The following RRP7A variants were observed in gnomAD, a reference collection of about 807,000 sequenced individuals.
The protein encoded by RRP7A is ribosomal RNA processing 7 homolog A.
Under a neutral mutation model 38.4 loss-of-function variants are expected in RRP7A, and 27 were observed. The ratio of observed to expected loss-of-function variants is 0.70; its 90% CI spans 0.52 to 0.97. The LOEUF (loss-of-function observed/expected upper bound fraction) is 0.97, where lower values mean the gene tolerates loss of function less well. RRP7A is among the 50% of genes least tolerant of loss of function. The pLI is 0.00. For missense variants in RRP7A, 327 were observed against 375.4 expected (o/e 0.87, Z 1.07); for synonymous variants, 124 against 150.3 (o/e 0.83, Z 1.28).
rs149462502 is a variant in RRP7A at position 42,514,240 on chromosome 22, C to T, written c.623G>A (p.Arg208His). ...GGGGAGCACAGGCCGCCGGCCCCGGCGGGTCACCTTCACCCAGCCCTCCTC... is the reference window on the plus strand; with the variant it reads ...GGGGAGCACAGGCCGCCGGCCCCGGTGGGTCACCTTCACCCAGCCCTCCTC... Reference protein sequence around the residue: ...PDEEGWVKVTRRGRRPVLPRT... With the variant: ...PDEEGWVKVTHRGRRPVLPRT... Residue 208 changes from arginine to histidine, a missense_variant, in exon 6 of 7, where the codon CGC (arginine) becomes CAC (histidine). This residue lies in a region of RRP7A where 46 missense variants were observed against 93.0 expected (regional missense o/e 0.49). Coordinates refer to ENST00000323013, the MANE Select transcript of RRP7A (RefSeq NM_015703.5). 1,642 of 1,606,350 alleles carry T rather than the reference C, an allele frequency of 1.0e-3. No individual in the cohort carries two copies. In the African/African-American group the frequency reaches 0.015, roughly 15 times the overall value.
chr22:42,512,909 C>A lies in RRP7A; in HGVS notation c.*1G>T. 1 of 1,613,072 alleles carries A rather than the reference C, an allele frequency of 6.2e-7. No homozygotes were observed. The highest frequency in any genetic ancestry group is 8.5e-7 in the Non-Finnish European group (1 of 1,179,390). The stretch of plus-strand genomic sequence containing the variant: ...CAGCCATTCACTGCGGCTCTCACAG[C>A]TCAGTACGGTCGGAATTTGCGCTGG... On this transcript the variant is annotated 3_prime_UTR_variant, in exon 7 of 7. Transcript: ENST00000323013.
chr22:42,519,553 G>A (rs1363041567), intron 1 of RRP7A, among the ~76,000 whole-genome samples, 161 bp downstream of exon 1: 1 of 152,012 alleles, frequency 6.6e-6, no homozygotes, highest in East Asian at 1.9e-4. Flanking sequence ...TGGGTCCTCG[G>A]GACCCCGGAG....
Position 42,510,908 on chromosome 22 carries a change from A to G in RRP7A, c.*2002T>C, listed in dbSNP as rs55803321. The G allele has an allele frequency of 0.12, 70,130 of 576,930 alleles. 4,947 individuals are homozygous for G. Among genetic ancestry groups the G allele is most frequent in the Admixed American group, 0.19 (3,452 of 18,258 alleles). 35.7% of individuals were successfully genotyped at this position (576,930 alleles called of 1,614,324 possible). On this transcript the variant is annotated 3_prime_UTR_variant, in exon 7 of 7. Transcript: ENST00000323013. ...CCCTAGAGGCCTGGGGACACATGTA[A>G]TCAGAATTTAAGAAACAGAGACCTT...
chr22:42,512,733 G>A lies in RRP7A; in HGVS notation c.*177C>T, dbSNP rs1356593114. 9 of 682,650 alleles carry A rather than the reference G, an allele frequency of 1.3e-5. No homozygotes were observed. Among genetic ancestry groups the A allele is most frequent in the African/African-American group, 3.5e-5 (2 of 56,690 alleles). The allele number at this position is 682,650 out of a possible 1,614,324, so 42.3% of individuals were successfully genotyped here. ...CCAGGACTGCTGAAGCACAAGACCC[G>A]AGGGGTGGCCTGGTCCTTCCCTCCT... On this transcript the variant is annotated 3_prime_UTR_variant, in exon 7 of 7. Coordinates refer to ENST00000323013, the MANE Select transcript of RRP7A (RefSeq NM_015703.5).
chr22:42,508,560 C>T lies in RRP7A; in HGVS notation c.*4350G>A, dbSNP rs1256880065. 5.3e-5 allele frequency among the ~76,000 whole-genome samples: 8 copies of T among 152,132 alleles called. No homozygotes were observed. The highest frequency in any genetic ancestry group is 1.0e-4 in the Non-Finnish European group (7 of 68,034). ...CGGAGGAGGCTGGCTGGGGCCATCA[C>T]GGAGTGCCCATCCTGCACTGTGGTC... is the stretch of plus-strand genomic sequence containing the variant. On this transcript the variant is annotated 3_prime_UTR_variant, in exon 7 of 7. Transcript: ENST00000323013.
chr22:42,515,984 A>C, intron 3 of RRP7A, 27 bp downstream of exon 3: 2 of 1,567,610 alleles, frequency 1.3e-6, no homozygotes, highest in East Asian at 2.3e-5. Context: ...CCCTCACTCT[A>C]GTGGAACCCC....
At chr22:42,515,322 G>A in intron 3 of RRP7A, 54 bp from the exon 4 acceptor site, 1 of 740,692 alleles carries the variant, frequency 1.4e-6, no homozygotes, top group Non-Finnish European at 2.4e-6. Context: ...TCTGGCACAA[G>A]GTCTCCAGGC....
rs1300385443 is a variant in RRP7A, at chr22:42,508,490, G to A, written c.*4420C>T. Reference sequence around the variant, plus strand: ...TCTCACTCAAGCTGGCCACATCCCCGCCATCCAGACGTAAAACAGTCACAA... The same window carrying A: ...TCTCACTCAAGCTGGCCACATCCCCACCATCCAGACGTAAAACAGTCACAA... On this transcript the variant is annotated 3_prime_UTR_variant, in exon 7 of 7. Coordinates refer to ENST00000323013, the MANE Select transcript of RRP7A (RefSeq NM_015703.5). Among the ~76,000 whole-genome samples, 1 of 152,058 alleles carries A rather than the reference G, an allele frequency of 6.6e-6. No homozygotes were observed. The highest frequency in any genetic ancestry group is 2.1e-4 in the South Asian group (1 of 4,826).
chr22:42,510,448 G>A lies in RRP7A; in HGVS notation c.*2462C>T, dbSNP rs910434742. On this transcript the variant is annotated 3_prime_UTR_variant, in exon 7 of 7. Coordinates refer to ENST00000323013, the MANE Select transcript of RRP7A (RefSeq NM_015703.5). ...TGCTTGCGCCTGGCTTGTGCCAGCT[G>A]AGCGTGAGCTGAGATTAACTGAGCC... 15 of 299,142 alleles carry A rather than the reference G, an allele frequency of 5.0e-5. No individual in the cohort carries two copies. In the South Asian group the frequency reaches 9.2e-4, roughly 18 times the overall value. 18.5% of individuals were successfully genotyped at this position (299,142 alleles called of 1,614,324 possible).
intron 3 of RRP7A, among the ~76,000 whole-genome samples, 167 bp downstream of exon 3, chr22:42,515,844 C>G (rs1051598986): frequency 5.3e-5 from 8 of 152,344 alleles, no homozygotes; most frequent in African/African-American, 9.6e-5. Flanking sequence ...GCAAATCTGG[C>G]AAAGAATCGC....
At position 42,513,059 on chromosome 22, in the gene RRP7A, A is replaced by G. The variant is rs1354737804; in HGVS notation, c.758-64T>C. 11 of 1,354,050 alleles carry G rather than the reference A, an allele frequency of 8.1e-6. No individual in the cohort carries two copies. The African/African-American group carries it at 1.1e-4, about 14-fold the overall frequency. 83.9% of individuals were successfully genotyped at this position (1,354,050 alleles called of 1,614,324 possible). The stretch of plus-strand genomic sequence containing the variant: ...GCGCCCCGGGGAAGCTGGCTTGCTC[A>G]TGCCCCACCCCTCCTCCCAGTTACT... On this transcript the variant is annotated intron_variant, in intron 6 of 6. Transcript: ENST00000323013.
rs1213105882 is a variant in RRP7A at position 42,509,218 on chromosome 22, A to C, written c.*3692T>G. On this transcript the variant is annotated 3_prime_UTR_variant, in exon 7 of 7. Transcript: ENST00000323013. ...GCTCCAAGTTCTCTGCGTGTCGACCACATCGCTAAGACTCAAGATCTTTTT... is the reference window on the plus strand; with the variant it reads ...GCTCCAAGTTCTCTGCGTGTCGACCCCATCGCTAAGACTCAAGATCTTTTT... 2 of 1,555,058 alleles carry C rather than the reference A, an allele frequency of 1.3e-6. No homozygotes were observed. Among genetic ancestry groups the C allele is most frequent in the Non-Finnish European group, 1.7e-6 (2 of 1,148,312 alleles).
Position 42,511,994 on chromosome 22 carries a change from C to T in RRP7A, c.*916G>A. 1.4e-6 allele frequency: 1 copy of T among 709,496 alleles called. No homozygotes were observed. Among genetic ancestry groups the T allele is most frequent in the Non-Finnish European group, 2.5e-6 (1 of 397,052 alleles). 44.0% of individuals were successfully genotyped at this position (709,496 alleles called of 1,614,324 possible). A position where few individuals can be genotyped will look rare whatever the true frequency, so the allele number is the denominator to read the frequency against. ...AGGAGCCGAGTGTGGGGGAAACTCA[C>T]TGTGGGAGGCGCTCCTGACCTGCAG... On this transcript the variant is annotated 3_prime_UTR_variant, in exon 7 of 7. Transcript: ENST00000323013.
chr22:42,512,375 G>C lies in RRP7A; in HGVS notation c.*535C>G, dbSNP rs1239961951. The stretch of plus-strand genomic sequence containing the variant: ...GAGGCCCAGCCTAGGATGGTAGTCA[G>C]GGGAAGGAGCGAGATTCCAACTTCA... On this transcript the variant is annotated 3_prime_UTR_variant, in exon 7 of 7. Coordinates refer to ENST00000323013, the MANE Select transcript of RRP7A (RefSeq NM_015703.5). The C allele has an allele frequency of 1.4e-6, 1 of 729,180 alleles. No homozygotes were observed. The highest frequency in any genetic ancestry group is 2.3e-6 in the Non-Finnish European group (1 of 431,828). The allele number at this position is 729,180 out of a possible 1,614,324, so 45.2% of individuals were successfully genotyped here.
chr22:42,518,552 C>T (rs1194145313), intron 1 of RRP7A: 3 of 447,862 alleles, frequency 6.7e-6, no homozygotes, highest in Non-Finnish European at 1.4e-5. Context: ...CCCGGGTACA[C>T]CAGGGCCTCA....
rs368492230 is a variant in RRP7A, at chr22:42,510,732, G to A, written c.*2178C>T. 2,905 of 1,508,804 alleles carry A rather than the reference G, an allele frequency of 1.9e-3. No individual in the cohort carries two copies. The highest frequency in any genetic ancestry group is 4.1e-3 in the South Asian group (328 of 80,848). The allele number at this position is 1,508,804 out of a possible 1,614,324, so 93.5% of individuals were successfully genotyped here. A position where few individuals can be genotyped will look rare whatever the true frequency, so the allele number is the denominator to read the frequency against. ...AAATCCACCCTCAAAGAGGTAAGGC[G>A]GGGCTCAGGCAGCTGGTGTCCAGCC... On this transcript the variant is annotated 3_prime_UTR_variant, in exon 7 of 7. Coordinates refer to ENST00000323013, the MANE Select transcript of RRP7A (RefSeq NM_015703.5).
In RRP7A at chr22:42,511,002, A is replaced by T. The variant is rs1255582975; in HGVS notation, c.*1908T>A. ...TCTTGGGGCCAGGCACAATTAGGTG[A>T]CCCAACTGCCAGAGACAGTCCCACA... On this transcript the variant is annotated 3_prime_UTR_variant, in exon 7 of 7. Coordinates refer to ENST00000323013, the MANE Select transcript of RRP7A (RefSeq NM_015703.5). 1 of 174,134 alleles carries T rather than the reference A, an allele frequency of 5.7e-6. No individual in the cohort carries two copies. The highest frequency in any genetic ancestry group is 1.2e-5 in the Non-Finnish European group (1 of 84,616). 10.8% of individuals were successfully genotyped at this position (174,134 alleles called of 1,614,324 possible). A position where few individuals can be genotyped will look rare whatever the true frequency, so the allele number is the denominator to read the frequency against.
intron 1 of RRP7A, chr22:42,518,630 C>G (rs1183143923): frequency 2.1e-6 from 1 of 470,456 alleles, no homozygotes; most frequent in Non-Finnish European, 4.4e-6. Context: ...TTAGCTCAAA[C>G]CTCGCTTCCT....
At chr22:42,513,579 G>C (rs1416892284) in intron 6 of RRP7A, among the ~76,000 whole-genome samples, 1 of 126,326 alleles carries the variant, frequency 7.9e-6, no homozygotes, top group Non-Finnish European at 1.7e-5. Context: ...CAGGGAAGCT[G>C]TTCTGTAGAC....
Sources: allele counts gnomAD v4.1 joint callset (sites outside exome capture counted in the v4.1 genomes callset), GRCh38; gene constraint gnomAD v4.1.1; regional missense constraint gnomAD v4.1.1; transcripts MANE v1.5; gene names NCBI Gene and HGNC (gene_info 2026-07-23, HGNC 2026-07-21).